MAGI3: variants seen among roughly 807,000 people sequenced by gnomAD.
MAGI3 encodes membrane associated guanylate kinase, WW and PDZ domain containing 3, also known as membrane-associated guanylate kinase, WW and PDZ domain-containing protein 3.
A neutral mutation model predicts 121.8 loss-of-function variants in MAGI3; 43 were observed. That is an observed-to-expected ratio of 0.35 (90% confidence interval 0.28 to 0.46). The LOEUF (loss-of-function observed/expected upper bound fraction) is 0.46. Ranked by LOEUF, MAGI3 falls within the 20% of genes least tolerant of loss-of-function variation. The pLI is 1.00. For synonymous variants in MAGI3, 553 were observed against 639.3 expected (o/e 0.86, Z 2.04); for missense variants, 1,547 against 1,797.3 (o/e 0.86, Z 2.52).
At chr1:113,604,565 C>CAAAA (rs59047770) in intron 6 of MAGI3, among the ~76,000 whole-genome samples, 26 of 62,014 alleles carry the variant, frequency 4.2e-4, no homozygotes, top group Non-Finnish European at 4.8e-4. Context: ...GTCTCCATCT[C>CAAAA]AAAAAAAAAA....
At chr1:113,652,567 A>G (rs191074775) in intron 14 of MAGI3, among the ~76,000 whole-genome samples, 1 of 152,276 alleles carries the variant, frequency 6.6e-6, no homozygotes, top group Admixed American at 6.5e-5. Context: ...TATACAACCT[A>G]CGCTCTTCCC....
At chr1:113,674,179 G>T (rs1446246096) in intron 19 of MAGI3, among the ~76,000 whole-genome samples, 1 of 152,106 alleles carries the variant, frequency 6.6e-6, no homozygotes, top group South Asian at 2.1e-4. Flanking sequence ...ATCGCCTGAG[G>T]TCGGGAGTTC....
intron 4 of MAGI3, among the ~76,000 whole-genome samples, chr1:113,589,265 A>C (rs539277131): frequency 6.6e-6 from 1 of 152,242 alleles, no homozygotes; most frequent in East Asian, 1.9e-4. Context: ...GTATGAAATA[A>C]TTATCTTGGA....
At chr1:113,679,014 G>T (rs1350593948) in intron 19 of MAGI3, among the ~76,000 whole-genome samples, 1 of 152,142 alleles carries the variant, frequency 6.6e-6, no homozygotes, top group Non-Finnish European at 1.5e-5. Context: ...TTGCTTTTTG[G>T]AATTTCAGTA....
chr1:113,613,309 C>G (rs1650272950), intron 6 of MAGI3, among the ~76,000 whole-genome samples: 1 of 152,068 alleles, frequency 6.6e-6, no homozygotes, highest in Non-Finnish European at 1.5e-5. Context: ...AGGAAAAACA[C>G]AAAAACTCAT....
chr1:113,607,539 C>G (rs747127790), intron 6 of MAGI3, among the ~76,000 whole-genome samples: 1 of 151,998 alleles, frequency 6.6e-6, no homozygotes, highest in Non-Finnish European at 1.5e-5. Flanking sequence ...ATGGAAGAAC[C>G]GATACTGTTT....
intron 4 of MAGI3, among the ~76,000 whole-genome samples, chr1:113,586,979 G>T (rs1050102181): frequency 6.6e-6 from 1 of 152,074 alleles, no homozygotes; most frequent in Non-Finnish European, 1.5e-5. Flanking sequence ...GAGGCAGTTC[G>T]TATACTACCT....
At chr1:113,635,333 G>T (rs1369204983) in intron 9 of MAGI3, among the ~76,000 whole-genome samples, 1 of 152,154 alleles carries the variant, frequency 6.6e-6, no homozygotes, top group Non-Finnish European at 1.5e-5. Context: ...TCCAGTTTTT[G>T]CCCATTCAGT....
intron 1 of MAGI3, among the ~76,000 whole-genome samples, chr1:113,532,490 CAT>C (rs549667414): frequency 2.0e-5 from 3 of 152,132 alleles, no homozygotes; most frequent in Non-Finnish European, 2.9e-5. Context: ...CATAGCCACT[CAT>C]AATCTTATCA....
chr1:113,411,192 T>G (rs1478201956), intron 1 of MAGI3, among the ~76,000 whole-genome samples: 3 of 152,150 alleles, frequency 2.0e-5, no homozygotes, highest in Non-Finnish European at 2.9e-5. Flanking sequence ...CATTAATATA[T>G]AATTTATTCT....
At chr1:113,450,560 A>C in intron 1 of MAGI3, 1 of 1,034,520 alleles carries the variant, frequency 9.7e-7, no homozygotes. Flanking sequence ...TGGCGGTGGT[A>C]ACTATGGTGG....
intron 1 of MAGI3, among the ~76,000 whole-genome samples, chr1:113,511,079 T>C (rs1657592880): frequency 6.6e-6 from 1 of 152,238 alleles, no homozygotes; most frequent in South Asian, 2.1e-4. Flanking sequence ...ACTTGACATG[T>C]GGTAGGTGAC....
intron 1 of MAGI3, among the ~76,000 whole-genome samples, chr1:113,509,292 A>C (rs2101607969): frequency 6.6e-6 from 1 of 152,010 alleles, no homozygotes; most frequent in Admixed American, 6.6e-5. Context: ...GAATTCCCTC[A>C]GCTGAAATTA....
chr1:113,643,908 G>A (rs1473932215), intron 11 of MAGI3, 134 bp downstream of exon 11: 3 of 927,032 alleles, frequency 3.2e-6, no homozygotes, highest in Admixed American at 4.5e-5. Flanking sequence ...CCCTTGGCTT[G>A]TATTTATTAG....
At chr1:113,513,882 G>A (rs528181744) in intron 1 of MAGI3, among the ~76,000 whole-genome samples, 90 of 152,190 alleles carry the variant, frequency 5.9e-4, no homozygotes, top group African/African-American at 1.9e-3. Context: ...CTACTCATCT[G>A]ACAAAGGGCT....
At chr1:113,485,281 A>G (rs1156254709) in intron 1 of MAGI3, among the ~76,000 whole-genome samples, 5 of 152,228 alleles carry the variant, frequency 3.3e-5, no homozygotes, top group South Asian at 2.1e-4. Context: ...CCAACAATGT[A>G]AAAGTGCTCC....
At chr1:113,580,388 A>C (rs1043913713) in intron 2 of MAGI3, among the ~76,000 whole-genome samples, 154 bp from the exon 3 acceptor site, 1 of 152,192 alleles carries the variant, frequency 6.6e-6, no homozygotes, top group African/African-American at 2.4e-5. Flanking sequence ...ATAAATATAT[A>C]CAATTTTATC....
At chr1:113,601,888 A>C (rs1486167247) in intron 6 of MAGI3, among the ~76,000 whole-genome samples, 2 of 148,524 alleles carry the variant, frequency 1.3e-5, no homozygotes, top group East Asian at 1.9e-4. Context: ...AATACTATGC[A>C]GCCATAAAAA....
chr1:113,402,923 T>A (rs1376889582), intron 1 of MAGI3, among the ~76,000 whole-genome samples: 1 of 152,088 alleles, frequency 6.6e-6, no homozygotes, highest in South Asian at 2.1e-4. Context: ...GGTAGACTAA[T>A]GGGAATGATG....
Sources: allele counts gnomAD v4.1 joint callset (sites outside exome capture counted in the v4.1 genomes callset), GRCh38; gene constraint gnomAD v4.1.1; transcripts MANE v1.5; gene names NCBI Gene and HGNC (gene_info 2026-07-23, HGNC 2026-07-21).